The following ATG5 variants were observed in gnomAD, a reference collection of about 807,000 sequenced individuals.
The protein encoded by ATG5 is autophagy related 5.
In ATG5, 14 loss-of-function variants were observed where a neutral mutation model predicts 36.5. The ratio of observed to expected loss-of-function variants is 0.38; its 90% CI spans 0.25 to 0.60. ATG5 has a LOEUF of 0.60. ATG5 is among the 20% of genes least tolerant of loss of function. The probability of loss-of-function intolerance (pLI) is 0.60; values close to 1 mark genes in which losing one functional copy is unlikely to be tolerated. For missense variants in ATG5, 195 were observed against 326.7 expected (o/e 0.60, Z 3.11); for synonymous variants, 95 against 101.5 (o/e 0.94, Z 0.38).
intron 6 of ATG5, among the ~76,000 whole-genome samples, chr6:106,239,091 A>ATTCT (rs1778007156): frequency 6.6e-6 from 1 of 152,190 alleles, no homozygotes; most frequent in African/African-American, 2.4e-5. Context: ...AACACAGAAA[A>ATTCT]GTCTACTAGA....
intron 6 of ATG5, among the ~76,000 whole-genome samples, chr6:106,242,407 T>A (rs986018787): frequency 6.6e-6 from 1 of 152,186 alleles, no homozygotes; most frequent in Non-Finnish European, 1.5e-5. Flanking sequence ...CCTATGGATG[T>A]CAAATCCATA....
intron 6 of ATG5, among the ~76,000 whole-genome samples, chr6:106,204,660 T>C (rs1387001061): frequency 6.6e-6 from 1 of 152,142 alleles, no homozygotes; most frequent in Non-Finnish European, 1.5e-5. Flanking sequence ...TGAGATCTGA[T>C]GGTTTTAAAA....
chr6:106,278,716 T>C (rs1330752897), intron 5 of ATG5, among the ~76,000 whole-genome samples: 3 of 152,212 alleles, frequency 2.0e-5, no homozygotes, highest in Non-Finnish European at 2.9e-5. Flanking sequence ...TTCCCTTTTT[T>C]CAATTATCCA....
At chr6:106,281,597 G>A (rs189841508) in intron 4 of ATG5, among the ~76,000 whole-genome samples, 419 of 152,268 alleles carry the variant, frequency 2.8e-3, no homozygotes, top group South Asian at 0.011. Flanking sequence ...CACTGGGATT[G>A]TTTCTAGATA....
At chr6:106,253,190 G>T (rs1167661830) in intron 5 of ATG5, among the ~76,000 whole-genome samples, 1 of 152,146 alleles carries the variant, frequency 6.6e-6, no homozygotes, top group African/African-American at 2.4e-5. Flanking sequence ...CCAAAAGCAG[G>T]TTTTCAGTAA....
chr6:106,273,263 G>A (rs1779522273), intron 5 of ATG5, among the ~76,000 whole-genome samples: 1 of 152,134 alleles, frequency 6.6e-6, no homozygotes, highest in African/African-American at 2.4e-5. Flanking sequence ...AGATACACAG[G>A]TAGTAGCTGC....
At chr6:106,205,598 A>C (rs1776599697) in intron 6 of ATG5, among the ~76,000 whole-genome samples, 1 of 152,230 alleles carries the variant, frequency 6.6e-6, no homozygotes, top group Non-Finnish European at 1.5e-5. Flanking sequence ...CTAAACAGGA[A>C]AGGCCAACTA....
chr6:106,223,108 C>G (rs549085504), intron 6 of ATG5, among the ~76,000 whole-genome samples: 39 of 152,224 alleles, frequency 2.6e-4, no homozygotes, highest in African/African-American at 9.4e-4. Flanking sequence ...CTATAAATAA[C>G]TCAAATAATT....
intron 5 of ATG5, among the ~76,000 whole-genome samples, chr6:106,268,782 A>C (rs1039082901): frequency 4.6e-5 from 7 of 152,100 alleles, no homozygotes; most frequent in African/African-American, 1.7e-4. Flanking sequence ...AGGAACAGAA[A>C]ACCAAACACC....
At chr6:106,199,433 T>C (rs1229297506) in intron 7 of ATG5, among the ~76,000 whole-genome samples, 2 of 152,140 alleles carry the variant, frequency 1.3e-5, no homozygotes, top group South Asian at 4.1e-4. Flanking sequence ...CTCAAATACA[T>C]AATGTTAAGT....
At chr6:106,252,745 G>T (rs777483230) in intron 5 of ATG5, among the ~76,000 whole-genome samples, 3 of 152,126 alleles carry the variant, frequency 2.0e-5, no homozygotes, top group African/African-American at 4.8e-5. Context: ...CAGCTGGCTA[G>T]GACCCTCATG....
At chr6:106,231,046 G>A (rs543054754) in intron 6 of ATG5, among the ~76,000 whole-genome samples, 90 of 150,920 alleles carry the variant, frequency 6.0e-4, no homozygotes, top group African/African-American at 2.1e-3. Context: ...CAACCCAAAC[G>A]GTCCAAAAGG....
At chr6:106,202,219 T>C in intron 6 of ATG5, 130 bp from the exon 7 acceptor site, 2 of 611,518 alleles carry the variant, frequency 3.3e-6, no homozygotes, top group South Asian at 2.2e-5. Flanking sequence ...TTACACAACA[T>C]CACAGATGTG....
In ATG5 at chr6:106,212,607, C is replaced by G. The variant is rs555283952; in HGVS notation, c.574-10518G>C. On this transcript the variant is annotated intron_variant, in intron 6 of 7. Coordinates refer to ENST00000369076, the MANE Select transcript of ATG5 (RefSeq NM_004849.4). Reference sequence around the variant, plus strand: ...TGAGCTGACACCGTCCCACTGCACTCCAGCCTGGGCGAGAGCCCAGAGCGA... The same window carrying G: ...TGAGCTGACACCGTCCCACTGCACTGCAGCCTGGGCGAGAGCCCAGAGCGA... 1.4e-4 allele frequency among the ~76,000 whole-genome samples: 22 copies of G among 152,336 alleles called. No homozygotes were observed. In the South Asian group the frequency reaches 4.1e-3, roughly 29 times the overall value.
chr6:106,244,639 T>G, intron 6 of ATG5, among the ~76,000 whole-genome samples: 1 of 152,358 alleles, frequency 6.6e-6, no homozygotes, highest in African/African-American at 2.4e-5. Context: ...TTCACAGCAA[T>G]CACAGTTCCA....
At chr6:106,193,932 T>C (rs760693614) in intron 7 of ATG5, among the ~76,000 whole-genome samples, 7 of 152,224 alleles carry the variant, frequency 4.6e-5, no homozygotes, top group Non-Finnish European at 7.3e-5. Flanking sequence ...AAAGATGAAA[T>C]AGTTGTGCAA....
intron 4 of ATG5, among the ~76,000 whole-genome samples, chr6:106,292,368 G>A (rs554214686): frequency 6.6e-6 from 1 of 152,234 alleles, no homozygotes; most frequent in African/African-American, 2.4e-5. Flanking sequence ...GGTGGCTAAG[G>A]GAATGAGGGA....
rs759395760 is a variant in ATG5, at chr6:106,185,732, G to C, written c.*808C>G. On this transcript the variant is annotated 3_prime_UTR_variant, in exon 8 of 8. Coordinates refer to ENST00000369076, the MANE Select transcript of ATG5 (RefSeq NM_004849.4). ...AACAGTTACAATATTTATACGTGTA[G>C]TGTGTAAAGAACACAGGTTTTTTAA... The C allele has an allele frequency of 1.3e-5, 2 of 152,334 alleles. No individual in the cohort carries two copies. Among genetic ancestry groups the C allele is most frequent in the South Asian group, 2.1e-4 (1 of 4,832 alleles). The allele number at this position is 152,334 out of a possible 1,614,324, so 9.4% of individuals were successfully genotyped here.
intron 5 of ATG5, among the ~76,000 whole-genome samples, chr6:106,270,385 AG>A (rs1779409615): frequency 2.0e-5 from 3 of 152,198 alleles, no homozygotes; most frequent in Non-Finnish European, 4.4e-5. Flanking sequence ...ACAGAGTTTC[AG>A]GTTGGAATTA....
Sources: gnomAD v4.1 joint callset for allele counts (sites outside exome capture counted in the v4.1 genomes callset) on GRCh38, gnomAD v4.1.1 for gene constraint, MANE v1.5 for transcripts, NCBI Gene and HGNC (gene_info 2026-07-23, HGNC 2026-07-21) for gene names.